Variants in C8orf89 observed in about 807,000 individuals in gnomAD.
The protein encoded by C8orf89 is putative uncharacterized protein C8orf89.
A neutral mutation model predicts 15.8 loss-of-function variants in C8orf89; 14 were observed. The observed-to-expected ratio is 0.89, with a 90% confidence interval of 0.59 to 1.39. C8orf89 has a LOEUF of 1.39. Ranked by LOEUF, C8orf89 falls within the 40% of genes most tolerant of loss-of-function variation. The probability of loss-of-function intolerance (pLI) is 0.00; values close to 1 mark genes in which losing one functional copy is unlikely to be tolerated. For synonymous variants in C8orf89, 55 were observed against 62.2 expected (o/e 0.88, Z 0.54); for missense variants, 181 against 184.5 (o/e 0.98, Z 0.11).
intron 2 of C8orf89, 51 bp downstream of exon 2, chr8:73,256,921 TA>T: frequency 7.3e-7 from 1 of 1,369,276 alleles, no homozygotes; most frequent in Non-Finnish European, 9.7e-7. Context: ...CATTCAGCAG[TA>T]TTACTACAAA....
At chr8:73,277,548 T>C in the C8orf89 span, 1 of 763,294 alleles carries the variant, frequency 1.3e-6, no homozygotes, top group East Asian at 2.4e-5. Flanking sequence ...CAGAGAAGCC[T>C]CCATTCCAGG....
At chr8:73,241,861 AATATACACTAGGGAAAAG>A (rs1368250176) in intron 3 of C8orf89, among the ~76,000 whole-genome samples, 4 of 152,318 alleles carry the variant, frequency 2.6e-5, no homozygotes, top group African/African-American at 7.2e-5. Flanking sequence ...AAGTGCCAAG[AATATACACTAGGGAAAAG>A]ATAGTCTCAT....
chr8:73,278,064 A>G, the C8orf89 span: 2 of 444,098 alleles, frequency 4.5e-6, no homozygotes, highest in Non-Finnish European at 8.4e-6. Flanking sequence ...TCAGTCTCCA[A>G]CTCTCAGCTC....
At chr8:73,266,861 C>T in the C8orf89 span, among the ~76,000 whole-genome samples, 2 of 151,796 alleles carry the variant, frequency 1.3e-5, no homozygotes, top group African/African-American at 4.8e-5. Context: ...AAAACTAGGG[C>T]CCCTGGAAGA....
At chr8:73,260,095 C>A (rs2130293389), upstream of C8orf89, among the ~76,000 whole-genome samples, 1 of 152,310 alleles carries the variant, frequency 6.6e-6, no homozygotes, top group Admixed American at 6.5e-5. Context: ...CCAGATTCAG[C>A]TATGCTTATT....
chr8:73,255,419 A>G (rs1449389082), intron 2 of C8orf89, among the ~76,000 whole-genome samples: 2 of 151,770 alleles, frequency 1.3e-5, no homozygotes, highest in African/African-American at 4.8e-5. Context: ...CCACAATGAG[A>G]TACCATCTCA....
At chr8:73,261,449 G>A (rs1813528568), upstream of C8orf89, among the ~76,000 whole-genome samples, 1 of 151,874 alleles carries the variant, frequency 6.6e-6, no homozygotes, top group Admixed American at 6.6e-5. Context: ...GGGAAAAGGA[G>A]GAACAGGGAG....
the C8orf89 span, among the ~76,000 whole-genome samples, chr8:73,283,897 C>T: frequency 4.6e-5 from 7 of 151,814 alleles, no homozygotes; most frequent in Non-Finnish European, 1.0e-4. Flanking sequence ...AAAAAAATTA[C>T]TCGAGCATGG....
chr8:73,279,066 T>TTG, the C8orf89 span, among the ~76,000 whole-genome samples: 1 of 152,246 alleles, frequency 6.6e-6, no homozygotes, highest in East Asian at 1.9e-4. Context: ...GGTCTTGTTC[T>TTG]TGTCTTATGG....
In C8orf89 at chr8:73,243,561, G is replaced by T. The variant is rs116318550; in HGVS notation, c.338-1956C>A. Among the ~76,000 whole-genome samples the T allele has an allele frequency of 6.6e-3, 1,002 of 152,162 alleles. 7 individuals are homozygous for T. Among genetic ancestry groups the T allele is most frequent in the African/African-American group, 0.023 (954 of 41,512 alleles). On this transcript the variant is annotated intron_variant, in intron 3 of 3. Coordinates refer to ENST00000624510, the MANE Select transcript of C8orf89 (RefSeq NM_001243237.3). ...TTTTTGAGATGGAGGATGGAATCTT[G>T]CTCTGTCACCCAGGCTGGAGTGCAG... is the stretch of plus-strand genomic sequence containing the variant.
At chr8:73,280,850 G>A in the C8orf89 span, among the ~76,000 whole-genome samples, 9 of 151,422 alleles carry the variant, frequency 5.9e-5, no homozygotes, top group Non-Finnish European at 1.3e-4. Context: ...TAAAGACCAG[G>A]TAACTTGTTG....
chr8:73,283,901 A>G, the C8orf89 span, among the ~76,000 whole-genome samples: 3 of 151,854 alleles, frequency 2.0e-5, no homozygotes, highest in African/African-American at 7.3e-5. Flanking sequence ...AAATTACTCG[A>G]GCATGGTGGC....
At chr8:73,281,548 G>C in the C8orf89 span, among the ~76,000 whole-genome samples, 1 of 152,210 alleles carries the variant, frequency 6.6e-6, no homozygotes, top group Non-Finnish European at 1.5e-5. Flanking sequence ...GGAGTAATTA[G>C]TTCATTACGA....
chr8:73,250,425 G>A (rs928227449), intron 2 of C8orf89, 102 bp from the exon 3 acceptor site: 3 of 684,084 alleles, frequency 4.4e-6, no homozygotes, highest in Non-Finnish European at 7.3e-6. Context: ...TAAATGTTAA[G>A]GAAAGGAAAG....
chr8:73,259,051 G>A (rs1037774771), intron 1 of C8orf89, among the ~76,000 whole-genome samples: 1 of 151,926 alleles, frequency 6.6e-6, no homozygotes, highest in African/African-American at 2.4e-5. Context: ...ATTCAACAGA[G>A]ACAGTACTGC....
intron 2 of C8orf89, 118 bp from the exon 3 acceptor site, chr8:73,250,441 C>A: frequency 1.6e-6 from 1 of 630,032 alleles, no homozygotes; most frequent in Non-Finnish European, 2.7e-6. Flanking sequence ...GAAAGTCTTT[C>A]CATTATAACT....
chr8:73,241,635 A>C, intron 3 of C8orf89, 30 bp from the exon 4 acceptor site: 1 of 1,469,710 alleles, frequency 6.8e-7, no homozygotes, highest in Non-Finnish European at 9.0e-7. Flanking sequence ...GTCAGCTATT[A>C]AAATGAATTA....
the C8orf89 span, among the ~76,000 whole-genome samples, chr8:73,285,595 C>T: frequency 1.3e-5 from 2 of 152,246 alleles, no homozygotes; most frequent in Non-Finnish European, 2.9e-5. Flanking sequence ...CTGAGACGGG[C>T]CAGCCACCAG....
intron 2 of C8orf89, among the ~76,000 whole-genome samples, chr8:73,256,730 A>G (rs925486600): frequency 6.7e-6 from 1 of 149,580 alleles, no homozygotes; most frequent in African/African-American, 2.5e-5. Flanking sequence ...CTGTCTCAAA[A>G]AAAAAAAAAA....
Sources: allele counts gnomAD v4.1 joint callset (sites outside exome capture counted in the v4.1 genomes callset), GRCh38; gene constraint gnomAD v4.1.1; transcripts MANE v1.5; gene names NCBI Gene and HGNC (gene_info 2026-07-23, HGNC 2026-07-21).